The following EFHB variants were observed in gnomAD, a reference collection of about 807,000 sequenced individuals.
EFHB encodes EF-hand domain-containing family member B.
Under a neutral mutation model 87.2 loss-of-function variants are expected in EFHB, and 91 were observed. The observed-to-expected ratio is 1.04, with a 90% CI of 0.88 to 1.24. EFHB has a LOEUF of 1.24. Among genes scored for constraint, EFHB ranks in the 50% most tolerant of loss-of-function variants. EFHB has a pLI of 0.00. For synonymous variants in EFHB, 325 were observed against 333.6 expected, an observed-to-expected ratio of 0.97 and a Z score of 0.28; for missense variants, 1,084 against 998.8, an observed-to-expected ratio of 1.09 and a Z score of -1.15.
chr3:19,882,446 T>C, intron 12 of EFHB, 104 bp downstream of exon 12: 3 of 1,068,174 alleles, frequency 2.8e-6, no homozygotes, highest in Non-Finnish European at 3.8e-6. Context: ...TACTTGGGGA[T>C]CCTGTAGACT....
intron 6 of EFHB, among the ~76,000 whole-genome samples, chr3:19,900,119 A>C (rs1694622792): frequency 6.6e-6 from 1 of 152,094 alleles, no homozygotes; most frequent in Non-Finnish European, 1.5e-5. Context: ...TGCTAGAAGA[A>C]AATTAAGCAT....
intron 10 of EFHB, among the ~76,000 whole-genome samples, chr3:19,885,829 CA>C (rs1339909076): frequency 6.6e-6 from 1 of 152,118 alleles, no homozygotes; most frequent in African/African-American, 2.4e-5. Flanking sequence ...TCCACCTCAC[CA>C]AAAGTAGAAA....
At chr3:19,882,952 T>C (rs1481941978) in intron 11 of EFHB, among the ~76,000 whole-genome samples, 1 of 152,176 alleles carries the variant, frequency 6.6e-6, no homozygotes, top group Admixed American at 6.5e-5. Context: ...ATATATATCG[T>C]ATTAAAATTA....
At chr3:19,918,586 A>G (rs1695319619) in intron 3 of EFHB, among the ~76,000 whole-genome samples, 174 bp from the exon 4 acceptor site, 1 of 152,150 alleles carries the variant, frequency 6.6e-6, no homozygotes, top group African/African-American at 2.4e-5. Flanking sequence ...TATGAAGTTT[A>G]AACACGCCTA....
chr3:19,907,150 C>A (rs1694868471), intron 5 of EFHB, among the ~76,000 whole-genome samples: 1 of 151,048 alleles, frequency 6.6e-6, no homozygotes, highest in East Asian at 1.9e-4. Context: ...GTCTTAGATA[C>A]AAAAGCTCAG....
chr3:19,902,705 C>T (rs1484934965), intron 6 of EFHB, among the ~76,000 whole-genome samples: 2 of 152,002 alleles, frequency 1.3e-5, no homozygotes, highest in Non-Finnish European at 2.9e-5. Flanking sequence ...TGAGAGTAAA[C>T]CAAATTTACA....
chr3:19,934,044 C>T lies in EFHB; in HGVS notation c.-26G>A, dbSNP rs1695935886. On this transcript the variant is annotated 5_prime_UTR_variant, in exon 1 of 13. Coordinates refer to ENST00000295824, the MANE Select transcript of EFHB (RefSeq NM_144715.4). ...GGACGATTTCTCCCCATTCTCATTT[C>T]TCCAAGAGCGCTCATCTCTAAGGGG... 3 of 1,563,138 alleles carry T rather than the reference C, an allele frequency of 1.9e-6. No individual in the cohort carries two copies. Among genetic ancestry groups the T allele is most frequent in the Non-Finnish European group, 1.7e-6 (2 of 1,153,994 alleles).
At chr3:19,899,573 A>T in intron 6 of EFHB, 58 bp from the exon 7 acceptor site, 1 of 1,323,482 alleles carries the variant, frequency 7.6e-7, no homozygotes, top group Non-Finnish European at 1.0e-6. Flanking sequence ...TTGGCTGCCA[A>T]ATATACATAA....
At chr3:19,936,023 A>G, upstream of EFHB, 1 of 1,145,142 alleles carries the variant, frequency 8.7e-7, no homozygotes, top group East Asian at 3.8e-5. Flanking sequence ...AAAAAAAAAA[A>G]AAAAAAGCAA....
intron 9 of EFHB, 31 bp downstream of exon 9, chr3:19,896,656 C>A: frequency 6.2e-7 from 1 of 1,613,846 alleles, no homozygotes; most frequent in Non-Finnish European, 8.5e-7. Context: ...TAAGCCCATG[C>A]ATTACCAAAA....
At chr3:19,888,409 A>G (rs1338498422) in intron 10 of EFHB, 35 bp downstream of exon 10, 14 of 1,200,546 alleles carry the variant, frequency 1.2e-5, no homozygotes, top group Non-Finnish European at 1.5e-5. Flanking sequence ...AATTTAAAAA[A>G]ATAATAATTC....
At chr3:19,929,970 G>A (rs904187829) in intron 1 of EFHB, among the ~76,000 whole-genome samples, 3 of 152,074 alleles carry the variant, frequency 2.0e-5, no homozygotes, top group South Asian at 2.1e-4. Context: ...GACTTTAGCC[G>A]AATTACCTAA....
At chr3:19,902,961 G>A (rs984668930) in intron 6 of EFHB, among the ~76,000 whole-genome samples, 2 of 151,968 alleles carry the variant, frequency 1.3e-5, no homozygotes, top group African/African-American at 2.4e-5. Context: ...CGGATCACCT[G>A]AGGTCATGAG....
intron 1 of EFHB, chr3:19,942,247 C>A: frequency 6.5e-6 from 1 of 152,708 alleles, no homozygotes; most frequent in South Asian, 2.0e-4. Flanking sequence ...AAGGCATAAG[C>A]AATAGAAGCA....
intron 4 of EFHB, among the ~76,000 whole-genome samples, chr3:19,916,124 C>A (rs1053173768): frequency 6.6e-6 from 1 of 152,292 alleles, no homozygotes; most frequent in African/African-American, 2.4e-5. Flanking sequence ...AAATCTGAAC[C>A]ACAAATTAGA....
At chr3:19,936,373 G>A (rs1033902510), upstream of EFHB, 2 of 531,670 alleles carry the variant, frequency 3.8e-6, no homozygotes, top group Non-Finnish European at 3.3e-6. Flanking sequence ...AGACATGCAT[G>A]GGTAACACAG....
intron 5 of EFHB, among the ~76,000 whole-genome samples, chr3:19,914,034 A>G (rs116268423): frequency 0.051 from 7,826 of 152,214 alleles, 241 homozygotes; most frequent in Non-Finnish European, 0.078. Context: ...ACCTGGAACT[A>G]CTGGGCTCAA....
intron 5 of EFHB, among the ~76,000 whole-genome samples, chr3:19,906,916 C>A (rs1224745585): frequency 6.6e-6 from 1 of 151,742 alleles, no homozygotes; most frequent in Admixed American, 6.6e-5. Flanking sequence ...CAAACATATA[C>A]AATACACTAA....
At chr3:19,888,683 G>T in intron 9 of EFHB, 32 bp from the exon 10 acceptor site, 1 of 1,557,248 alleles carries the variant, frequency 6.4e-7, no homozygotes, top group Non-Finnish European at 8.8e-7. Flanking sequence ...AACATAAAAT[G>T]GGAGTTGTCT....
Sources: gnomAD v4.1 joint callset for allele counts (sites outside exome capture counted in the v4.1 genomes callset) on GRCh38, gnomAD v4.1.1 for gene constraint, MANE v1.5 for transcripts, NCBI Gene and HGNC (gene_info 2026-07-23, HGNC 2026-07-21) for gene names.